Variants in KIF21A observed in about 807,000 individuals in gnomAD.
KIF21A encodes the protein kinesin-like protein KIF21A.
KIF21A carries 114 observed loss-of-function variants against 202.9 expected under a neutral mutation model. The ratio of observed to expected loss-of-function variants is 0.56; its 90% CI spans 0.48 to 0.66. The LOEUF is 0.66. KIF21A is among the 30% of genes least tolerant of loss of function. The pLI is 0.00. For synonymous variants in KIF21A, 667 were observed against 670.8 expected, an observed-to-expected ratio of 0.99 and a Z score of 0.09; for missense variants, 1,677 against 1,994.9, an observed-to-expected ratio of 0.84 and a Z score of 3.04.
At chr12:39,317,248 C>T (rs1040882775) in intron 29 of KIF21A, among the ~76,000 whole-genome samples, 3 of 151,986 alleles carry the variant, frequency 2.0e-5, no homozygotes, top group Admixed American at 6.6e-5. Context: ...GTTTATAGAG[C>T]CATTTAAAAT....
intron 13 of KIF21A, 39 bp downstream of exon 13, chr12:39,341,995 T>C: frequency 1.4e-6 from 2 of 1,414,570 alleles, no homozygotes; most frequent in Non-Finnish European, 2.0e-6. Context: ...CAACCAAACC[T>C]GGTGACTAAA....
intron 1 of KIF21A, among the ~76,000 whole-genome samples, chr12:39,407,905 A>G (rs1391550282): frequency 6.8e-6 from 1 of 147,054 alleles, no homozygotes; most frequent in South Asian, 2.2e-4. Flanking sequence ...TAGCATATAA[A>G]TATATGCTAA....
intron 1 of KIF21A, among the ~76,000 whole-genome samples, chr12:39,436,436 ATATATATATATATT>A (rs1245694237): frequency 1.7e-5 from 2 of 119,172 alleles, no homozygotes; most frequent in African/African-American, 7.8e-5. Flanking sequence ...ATATATATAT[ATATATATATATATT>A]TTTTTTTTTT....
intron 23 of KIF21A, 115 bp downstream of exon 23, chr12:39,330,631 T>C (rs1946428365): frequency 1.2e-6 from 1 of 866,384 alleles, no homozygotes; most frequent in Non-Finnish European, 1.9e-6. Context: ...ATTAAAAGCA[T>C]GAGTAAATAT....
Position 39,418,159 on chromosome 12 carries a change from A to G in KIF21A, c.44+24768T>C, listed in dbSNP as rs111263704. 2.6e-3 allele frequency among the ~76,000 whole-genome samples: 397 copies of G among 151,962 alleles called. 3 individuals are homozygous for G. The highest frequency in any genetic ancestry group is 8.8e-3 in the African/African-American group (363 of 41,426). On this transcript the variant is annotated intron_variant, in intron 1 of 37. Coordinates refer to ENST00000361418, the MANE Select transcript of KIF21A (RefSeq NM_001173464.2). The stretch of plus-strand genomic sequence containing the variant: ...ACAGGAGAGGAGATTGCACCATTGC[A>G]TTCCAGCCTGGGTGACAAAACAAGA...
chr12:39,397,154 T>TA (rs1376302389), intron 1 of KIF21A, among the ~76,000 whole-genome samples: 2 of 152,222 alleles, frequency 1.3e-5, no homozygotes, highest in African/African-American at 2.4e-5. Context: ...TACTGAACTA[T>TA]ATACTTGCAT....
chr12:39,382,750 C>G lies in KIF21A; in HGVS notation c.45-12489G>C, dbSNP rs146900106. 3.2e-3 allele frequency among the ~76,000 whole-genome samples: 487 copies of G among 151,874 alleles called. 3 individuals carry two copies. Among genetic ancestry groups the G allele is most frequent in the African/African-American group, 0.011 (457 of 41,480 alleles). On this transcript the variant is annotated intron_variant, in intron 1 of 37. Coordinates refer to ENST00000361418, the MANE Select transcript of KIF21A (RefSeq NM_001173464.2). ...AAAATCCAAATGAACAATTAACAAA[C>G]CCCCCTCCCAAAAAAACAATTAACA...
At chr12:39,341,780 T>A (rs973119845) in intron 13 of KIF21A, among the ~76,000 whole-genome samples, 158 bp from the exon 14 acceptor site, 1 of 152,162 alleles carries the variant, frequency 6.6e-6, no homozygotes, top group Non-Finnish European at 1.5e-5. Flanking sequence ...AATTTTGTCT[T>A]AAATCAAAAA....
At position 39,351,999 on chromosome 12, in the gene KIF21A, T is replaced by C. The variant is rs201400352; in HGVS notation, c.1470-19A>G. 10 of 1,553,926 alleles carry C rather than the reference T, an allele frequency of 6.4e-6. No individual in the cohort carries two copies. In the African/African-American group the frequency reaches 9.5e-5, roughly 15 times the overall value. ...TTTTGCCCTAGCAAATAAAAATATA[T>C]TTAAATAGGGAGCATTTTTCTCTGT... On this transcript the variant is annotated intron_variant, in intron 10 of 37. Coordinates refer to ENST00000361418, the MANE Select transcript of KIF21A (RefSeq NM_001173464.2).
chr12:39,405,696 G>A (rs544565791), intron 1 of KIF21A, among the ~76,000 whole-genome samples: 49 of 152,126 alleles, frequency 3.2e-4, no homozygotes, highest in Non-Finnish European at 5.6e-4. Flanking sequence ...CGTATATAAA[G>A]TTCCAAAACA....
intron 1 of KIF21A, among the ~76,000 whole-genome samples, chr12:39,409,711 A>T (rs1190171242): frequency 1.3e-5 from 2 of 152,142 alleles, no homozygotes; most frequent in Non-Finnish European, 2.9e-5. Context: ...ATATGACTAC[A>T]TTAGGGATCT....
chr12:39,303,180 T>C (rs746196501), intron 35 of KIF21A, 45 bp from the exon 36 acceptor site: 1 of 1,531,224 alleles, frequency 6.5e-7, no homozygotes, highest in South Asian at 1.1e-5. Context: ...AACTTGCAAA[T>C]AAACACCAAT....
chr12:39,329,848 T>C (rs894614133), intron 24 of KIF21A, among the ~76,000 whole-genome samples: 25 of 152,214 alleles, frequency 1.6e-4, no homozygotes, highest in African/African-American at 5.5e-4. Flanking sequence ...ACCAAAGATA[T>C]ATACAGAAGA....
At chr12:39,400,110 G>C (rs1033771227) in intron 1 of KIF21A, among the ~76,000 whole-genome samples, 1 of 152,078 alleles carries the variant, frequency 6.6e-6, no homozygotes, top group Admixed American at 6.6e-5. Context: ...ATTCTTCCTG[G>C]TTTAGTGAAA....
chr12:39,405,277 G>A (rs555583128), intron 1 of KIF21A, among the ~76,000 whole-genome samples: 1 of 152,106 alleles, frequency 6.6e-6, no homozygotes, highest in South Asian at 2.1e-4. Context: ...TCTTGGACCC[G>A]GGAGGCAGAG....
chr12:39,310,837 G>C (rs1364138443), intron 32 of KIF21A, among the ~76,000 whole-genome samples: 1 of 151,986 alleles, frequency 6.6e-6, no homozygotes, highest in Non-Finnish European at 1.5e-5. Context: ...TTGTACAAAA[G>C]GGGTTAAGAG....
chr12:39,332,566 C>A (rs946629434), intron 20 of KIF21A, 25 bp downstream of exon 20: 4 of 1,589,710 alleles, frequency 2.5e-6, no homozygotes, highest in East Asian at 2.3e-5. Context: ...TAAGGGGGAG[C>A]GTATCTACTC....
intron 1 of KIF21A, among the ~76,000 whole-genome samples, chr12:39,436,214 T>A (rs1353283419): frequency 2.0e-5 from 3 of 151,704 alleles, no homozygotes; most frequent in Non-Finnish European, 4.4e-5. Flanking sequence ...TCGATGTATG[T>A]TAGCAAAACA....
rs533684757 is a variant in KIF21A, at chr12:39,419,682, C to T, written c.44+23245G>A. 5.3e-5 allele frequency among the ~76,000 whole-genome samples: 8 copies of T among 152,174 alleles called. No homozygotes were observed. In the South Asian group the frequency reaches 1.7e-3, roughly 32 times the overall value. ...AAGCCCTTTATCATTCATCTTCAGG[C>T]TATATAAGATAAGGCTAAAGATTCA... On this transcript the variant is annotated intron_variant, in intron 1 of 37. Transcript: ENST00000361418.
Sources: gnomAD v4.1 joint callset for allele counts (sites outside exome capture counted in the v4.1 genomes callset) on GRCh38, gnomAD v4.1.1 for gene constraint, MANE v1.5 for transcripts, NCBI Gene and HGNC (gene_info 2026-07-23, HGNC 2026-07-21) for gene names.